The following LINGO1 variants were observed in gnomAD, a reference collection of about 807,000 sequenced individuals.
The protein encoded by LINGO1 is leucine rich repeat and Ig domain containing 1, also known as leucine-rich repeat and immunoglobulin-like domain-containing nogo receptor-interacting protein 1.
A neutral mutation model predicts 37.3 loss-of-function variants in LINGO1; 11 were observed. That is an observed-to-expected ratio of 0.29 (90% CI 0.19 to 0.49). The LOEUF is 0.49. LINGO1 is among the 20% of genes least tolerant of loss of function. The pLI, the probability that LINGO1 is intolerant of heterozygous loss-of-function variation, is 0.99. For missense variants in LINGO1, 585 were observed against 878.2 expected (o/e 0.67, Z 4.22); for synonymous variants, 387 against 403.0 (o/e 0.96, Z 0.48).
intron 1 of LINGO1, among the ~76,000 whole-genome samples, chr15:77,805,056 T>C (rs1471053319): frequency 6.6e-6 from 1 of 152,210 alleles, no homozygotes; most frequent in East Asian, 1.9e-4. Context: ...GGTGGTATAT[T>C]TGAGCCAGGA....
chr15:77,763,805 C>G (rs2076501303), intron 1 of LINGO1, among the ~76,000 whole-genome samples: 1 of 152,170 alleles, frequency 6.6e-6, no homozygotes, highest in African/African-American at 2.4e-5. Context: ...GCTCTGTGAT[C>G]CCAAAGCCCC....
At chr15:77,790,139 T>C (rs1161370495), upstream of LINGO1, among the ~76,000 whole-genome samples, 1 of 152,196 alleles carries the variant, frequency 6.6e-6, no homozygotes, top group African/African-American at 2.4e-5. Flanking sequence ...CTGTTTAAGC[T>C]ACCCAGTTTG....
intron 2 of LINGO1, among the ~76,000 whole-genome samples, chr15:77,705,205 A>ACACACACACACACACACACCCC (rs1555532644): frequency 6.9e-6 from 1 of 145,330 alleles, no homozygotes; most frequent in African/African-American, 2.7e-5. Flanking sequence ...ACACACACAC[A>ACACACACACACACACACACCCC]CCAGTCCACT....
exon 1 of LINGO1, chr15:77,696,424 C>T (rs1273917201): frequency 6.6e-6 from 1 of 152,376 alleles, no homozygotes; most frequent in Admixed American, 6.5e-5. Flanking sequence ...ACTGGTCAGC[C>T]AGGTGACCCC....
intron 1 of LINGO1, among the ~76,000 whole-genome samples, chr15:77,765,611 T>C (rs2076520252): frequency 6.6e-6 from 1 of 152,048 alleles, no homozygotes; most frequent in Non-Finnish European, 1.5e-5. Context: ...AGACTGGTAG[T>C]GAGTTTTTTC....
At chr15:77,744,609 A>G (rs1357967508) in intron 1 of LINGO1, among the ~76,000 whole-genome samples, 2 of 152,258 alleles carry the variant, frequency 1.3e-5, no homozygotes, top group Admixed American at 1.3e-4. Flanking sequence ...GCATTATTCT[A>G]AACTTTACAT....
intron 1 of LINGO1, among the ~76,000 whole-genome samples, chr15:77,778,266 T>C (rs1024229269): frequency 1.3e-5 from 2 of 152,172 alleles, no homozygotes; most frequent in Non-Finnish European, 2.9e-5. Context: ...ATATGGACAC[T>C]AGTGATTGCA....
intron 2 of LINGO1, among the ~76,000 whole-genome samples, chr15:77,712,454 T>G (rs2075930006): frequency 6.6e-6 from 1 of 152,060 alleles, no homozygotes; most frequent in African/African-American, 2.4e-5. Flanking sequence ...CCTGGATGAA[T>G]CCAACCAACA....
chr15:77,747,833 G>C (rs1311596482), intron 1 of LINGO1, among the ~76,000 whole-genome samples: 1 of 151,952 alleles, frequency 6.6e-6, no homozygotes, highest in Non-Finnish European at 1.5e-5. Context: ...AACTATCCCA[G>C]AGAGAATCAT....
chr15:77,614,504 G>A lies in LINGO1; in HGVS notation c.1403C>T (p.Ala468Val). The A allele has an allele frequency of 6.2e-7, 1 of 1,610,530 alleles. No homozygotes were observed. Among genetic ancestry groups the A allele is most frequent in the Non-Finnish European group, 8.5e-7 (1 of 1,179,728 alleles). The stretch of plus-strand genomic sequence containing the variant: ...GACTGTGAGCCGCCCATTGCTCTTG[G>A]CTGAGACCAGGTGCTTTCGGGGTGA... ...WLSPRKHLVS[A>V]KSNGRLTVFP... Residue 468 changes from alanine (A) to valine (V), a missense_variant, in exon 2 of 2, where the codon GCC becomes GTC. Around this residue, in one of 4 missense-constraint regions of LINGO1, gnomAD observed 484 missense variants for 735.0 expected, o/e 0.66. Coordinates refer to ENST00000355300, the MANE Select transcript of LINGO1 (RefSeq NM_032808.7).
chr15:77,660,351 G>A (rs1004699766), intron 3 of LINGO1, among the ~76,000 whole-genome samples: 1 of 152,176 alleles, frequency 6.6e-6, no homozygotes, highest in Non-Finnish European at 1.5e-5. Flanking sequence ...GATACTCGGC[G>A]CCAAGGGACT....
chr15:77,733,498 T>C (rs796764261), intron 2 of LINGO1, among the ~76,000 whole-genome samples: 2 of 152,058 alleles, frequency 1.3e-5, no homozygotes, highest in African/African-American at 2.4e-5. Context: ...CCTCCAACCA[T>C]AGCCCTCCTC....
intron 1 of LINGO1, among the ~76,000 whole-genome samples, chr15:77,746,633 C>T (rs1280921414): frequency 1.3e-5 from 2 of 152,020 alleles, no homozygotes; most frequent in East Asian, 1.9e-4. Context: ...AGGAGCCCTG[C>T]CTGGAGGATA....
intron 2 of LINGO1, among the ~76,000 whole-genome samples, chr15:77,683,744 T>C (rs2075456035): frequency 6.6e-6 from 1 of 152,320 alleles, no homozygotes; most frequent in African/African-American, 2.4e-5. Context: ...GAGTGGGCTT[T>C]AAAGGCAAAG....
chr15:77,703,381 C>A (rs769887224), intron 2 of LINGO1, among the ~76,000 whole-genome samples: 1 of 152,126 alleles, frequency 6.6e-6, no homozygotes, highest in Non-Finnish European at 1.5e-5. Context: ...TCAGTTCCTA[C>A]GAGGGTTTTG....
chr15:77,775,926 A>G (rs555501309), intron 1 of LINGO1, among the ~76,000 whole-genome samples: 1 of 151,538 alleles, frequency 6.6e-6, no homozygotes, highest in African/African-American at 2.4e-5. Context: ...CATCCCCCCC[A>G]TGCCCTCATT....
At chr15:77,663,013 T>A (rs1009466) in intron 3 of LINGO1, among the ~76,000 whole-genome samples, 42,268 of 152,158 alleles carry the variant, frequency 0.28, 6,943 homozygotes, top group African/African-American at 0.45. Flanking sequence ...AAGGTGGGGA[T>A]GCCGGGGGTC....
chr15:77,671,557 C>T (rs1274053165), intron 3 of LINGO1, among the ~76,000 whole-genome samples: 1 of 152,216 alleles, frequency 6.6e-6, no homozygotes. Flanking sequence ...GGAGGAAGCC[C>T]CTTTGGGAGA....
chr15:77,768,511 C>T (rs1872297049), intron 1 of LINGO1, among the ~76,000 whole-genome samples: 1 of 152,170 alleles, frequency 6.6e-6, no homozygotes, highest in African/African-American at 2.4e-5. Context: ...GTGAGGAGAG[C>T]CATGAAGGAA....
Sources: allele counts gnomAD v4.1 joint callset (sites outside exome capture counted in the v4.1 genomes callset), GRCh38; gene constraint gnomAD v4.1.1; regional missense constraint gnomAD v4.1.1; transcripts MANE v1.5; gene names NCBI Gene and HGNC (gene_info 2026-07-23, HGNC 2026-07-21).